The following RTL4 variants were observed in gnomAD, a reference collection of about 807,000 sequenced individuals.
RTL4 encodes the protein retrotransposon Gag-like protein 4.
A neutral mutation model predicts 5.3 loss-of-function variants in RTL4; 4 were observed. That is an observed-to-expected ratio of 0.75 (90% CI 0.37 to 1.72). RTL4 has a LOEUF of 1.72. Among genes scored for constraint, RTL4 ranks in the 40% most tolerant of loss-of-function variants. The pLI, the probability that RTL4 is intolerant of heterozygous loss-of-function variation, is 0.04. For synonymous variants in RTL4, 98 were observed against 87.3 expected, an observed-to-expected ratio of 1.12 and a Z score of -0.68; for missense variants, 260 against 227.1, an observed-to-expected ratio of 1.14 and a Z score of -0.93.
chrX:112,131,315 G>A, the RTL4 span, among the ~76,000 whole-genome samples: 1 of 107,469 alleles, frequency 9.3e-6, no homozygotes, highest in Admixed American at 1.0e-4. Context: ...TTTAATTAAT[G>A]TAGCAAACAA....
chrX:112,101,173 C>A, the RTL4 span, among the ~76,000 whole-genome samples: 1 of 111,411 alleles, frequency 9.0e-6, no homozygotes, highest in Non-Finnish European at 1.9e-5. Flanking sequence ...ATAGTTTAGG[C>A]CATAATTTCG....
the RTL4 span, among the ~76,000 whole-genome samples, chrX:112,194,784 A>G: frequency 8.9e-6 from 1 of 111,937 alleles, no homozygotes; most frequent in Non-Finnish European, 1.9e-5. Context: ...TTTTTATATA[A>G]TGTTGTGAAC....
chrX:112,288,822 G>T, the RTL4 span, among the ~76,000 whole-genome samples: 1 of 111,433 alleles, frequency 9.0e-6, no homozygotes, highest in Non-Finnish European at 1.9e-5. Context: ...TATTAGAAGT[G>T]TGTATCTCAT....
the RTL4 span, among the ~76,000 whole-genome samples, chrX:112,249,798 G>GA: frequency 1.9e-5 from 2 of 107,162 alleles, no homozygotes; most frequent in African/African-American, 6.8e-5. Context: ...TATATAGAGA[G>GA]AGAGAGAGAG....
At chrX:112,238,890 A>T in the RTL4 span, among the ~76,000 whole-genome samples, 1 of 111,803 alleles carries the variant, frequency 8.9e-6, no homozygotes, top group African/African-American at 3.2e-5. Flanking sequence ...AAGCTATCCC[A>T]TCCCTCATGG....
At chrX:112,315,576 C>T in the RTL4 span, among the ~76,000 whole-genome samples, 1 of 111,839 alleles carries the variant, frequency 8.9e-6, no homozygotes, top group Admixed American at 9.5e-5. Context: ...TTCCCATTTT[C>T]CCCCCAACAT....
chrX:112,345,026 A>G, the RTL4 span, among the ~76,000 whole-genome samples: 2 of 111,839 alleles, frequency 1.8e-5, no homozygotes, highest in Non-Finnish European at 3.8e-5. Context: ...CCATGATTCA[A>G]TTATCTCCAC....
chrX:112,211,950 G>C, the RTL4 span, among the ~76,000 whole-genome samples: 1 of 112,298 alleles, frequency 8.9e-6, no homozygotes, highest in African/African-American at 3.2e-5. Context: ...AACAGGGAGT[G>C]TGTAATCAGA....
At chrX:112,152,708 C>G in the RTL4 span, among the ~76,000 whole-genome samples, 1 of 112,114 alleles carries the variant, frequency 8.9e-6, no homozygotes, top group African/African-American at 3.2e-5. Context: ...CATATTTTCC[C>G]AACAGGTTTA....
At chrX:112,230,852 A>G in the RTL4 span, among the ~76,000 whole-genome samples, 3 of 111,849 alleles carry the variant, frequency 2.7e-5, no homozygotes, top group African/African-American at 6.5e-5. Flanking sequence ...AATATCGAGA[A>G]TCTACAATGA....
At chrX:112,267,778 T>C in the RTL4 span, among the ~76,000 whole-genome samples, 1 of 110,875 alleles carries the variant, frequency 9.0e-6, no homozygotes, top group Non-Finnish European at 1.9e-5. Context: ...TTCCCCCTTT[T>C]TTTCCCACCC....
the RTL4 span, among the ~76,000 whole-genome samples, chrX:112,322,913 G>A: frequency 1.8e-5 from 2 of 111,647 alleles, no homozygotes; most frequent in Non-Finnish European, 3.8e-5. Context: ...TGAATTAGAT[G>A]TACTATAATT....
At chrX:112,125,400 C>T in the RTL4 span, among the ~76,000 whole-genome samples, 1 of 111,672 alleles carries the variant, frequency 9.0e-6, no homozygotes, top group Non-Finnish European at 1.9e-5. Context: ...CACAATTCCA[C>T]ACAAGTTAAA....
At chrX:112,406,617 T>A in the RTL4 span, among the ~76,000 whole-genome samples, 499 of 110,749 alleles carry the variant, frequency 4.5e-3, no homozygotes, top group Non-Finnish European at 7.9e-3. Flanking sequence ...ACATCTAAAC[T>A]ATATCAGAGC....
chrX:112,156,310 G>C, the RTL4 span, among the ~76,000 whole-genome samples: 1 of 112,390 alleles, frequency 8.9e-6, no homozygotes, highest in African/African-American at 3.2e-5. Flanking sequence ...TCAAGTAACA[G>C]AAATAAAAGT....
At chrX:112,289,003 A>G in the RTL4 span, among the ~76,000 whole-genome samples, 3 of 111,978 alleles carry the variant, frequency 2.7e-5, no homozygotes, top group African/African-American at 6.5e-5. Flanking sequence ...GCAACATAGT[A>G]TGTGCTCAAT....
chrX:112,199,015 G>A, the RTL4 span, among the ~76,000 whole-genome samples: 4 of 111,057 alleles, frequency 3.6e-5, no homozygotes, highest in African/African-American at 1.3e-4. Context: ...GCAGGCTGGC[G>A]CGGTGGCTCA....
the RTL4 span, among the ~76,000 whole-genome samples, chrX:112,173,586 G>A: frequency 1.8e-5 from 2 of 111,185 alleles, no homozygotes; most frequent in Non-Finnish European, 3.8e-5. Flanking sequence ...TTCTGGTGGT[G>A]GAGCCAGATT....
chrX:112,280,736 C>A, the RTL4 span, among the ~76,000 whole-genome samples: 1 of 111,534 alleles, frequency 9.0e-6, no homozygotes, highest in South Asian at 3.8e-4. Context: ...CACAAGCAGT[C>A]CTCCCTCCTT....
Sources: allele counts gnomAD v4.1 joint callset (sites outside exome capture counted in the v4.1 genomes callset), GRCh38; gene constraint gnomAD v4.1.1; transcripts MANE v1.5; gene names NCBI Gene and HGNC (gene_info 2026-07-23, HGNC 2026-07-21).